The following HDAC4 variants were observed in gnomAD, a reference collection of about 807,000 sequenced individuals.
The protein encoded by HDAC4 is histone deacetylase 4.
A neutral mutation model predicts 135.1 loss-of-function variants in HDAC4; 16 were observed. The observed-to-expected ratio is 0.12, with a 90% CI of 0.08 to 0.18. HDAC4 has a LOEUF of 0.18. HDAC4 is among the 10% of genes least tolerant of loss of function. The probability of loss-of-function intolerance (pLI) is 1.00; values close to 1 mark genes in which losing one functional copy is unlikely to be tolerated. For missense variants in HDAC4, 1,143 were observed against 1,511.8 expected (o/e 0.76, Z 4.05); for synonymous variants, 685 against 653.4 (o/e 1.05, Z -0.74).
intron 12 of HDAC4, among the ~76,000 whole-genome samples, chr2:239,118,292 C>T (rs571607415): frequency 1.3e-5 from 2 of 152,334 alleles, no homozygotes; most frequent in African/African-American, 4.8e-5. Context: ...TTGTTTATCT[C>T]TAAACCGAAG....
chr2:239,198,301 T>A (rs551003697), intron 3 of HDAC4, among the ~76,000 whole-genome samples: 7 of 152,310 alleles, frequency 4.6e-5, no homozygotes, highest in Non-Finnish European at 8.8e-5. Context: ...TGGTTCTCAA[T>A]GCCAGGCTTC....
intron 13 of HDAC4, among the ~76,000 whole-genome samples, chr2:239,112,823 A>G (rs1398193423): frequency 2.0e-5 from 3 of 152,196 alleles, no homozygotes; most frequent in African/African-American, 7.2e-5. Flanking sequence ...GTGAACATGG[A>G]AAACCAGGTA....
rs566944041 is a variant in HDAC4, at chr2:239,270,116, G to C, written c.23-33452C>G. On this transcript the variant is annotated intron_variant, in intron 2 of 26. Transcript: ENST00000543185. ...TCAGGATGTCACCAGCCTTTCAGGA[G>C]CCTGATGACTCCCACGGCAGCAGGT... is the stretch of plus-strand genomic sequence containing the variant. Among the ~76,000 whole-genome samples the C allele has an allele frequency of 2.1e-3, 325 of 152,318 alleles. 1 individual carries two copies. The highest frequency in any genetic ancestry group is 6.8e-3 in the Middle Eastern group (2 of 294).
intron 2 of HDAC4, among the ~76,000 whole-genome samples, chr2:239,345,747 AAC>A (rs1340459771): frequency 2.7e-5 from 4 of 146,718 alleles, no homozygotes; most frequent in Admixed American, 6.7e-5. Context: ...CACCGTCTAA[AAC>A]ACACACACCC....
chr2:239,174,852 G>T (rs895945025), intron 5 of HDAC4, among the ~76,000 whole-genome samples: 1 of 152,222 alleles, frequency 6.6e-6, no homozygotes, highest in Non-Finnish European at 1.5e-5. Context: ...AATTTCACAA[G>T]CATAATGTCC....
At chr2:239,357,117 T>C (rs1254376202) in intron 1 of HDAC4, among the ~76,000 whole-genome samples, 5 of 152,144 alleles carry the variant, frequency 3.3e-5, no homozygotes, top group Admixed American at 1.3e-4. Context: ...TTTACCAAGA[T>C]AGAACACCTT....
rs905397343 is a variant in HDAC4, at chr2:239,262,921, G to A, written c.23-26257C>T. On this transcript the variant is annotated intron_variant, in intron 2 of 26. Coordinates refer to ENST00000543185, the MANE Select transcript of HDAC4 (RefSeq NM_001378414.1). This position sits in a 1 kb window ranked among gnomAD's most constrained non-coding sequence, Gnocchi z 4.1. ...CACTGGAAGGTCACGGCACCACTGA[G>A]ACAGCCTGGAAGCTTCTGTGCTTCA... is the stretch of plus-strand genomic sequence containing the variant. Among the ~76,000 whole-genome samples, 1 of 152,110 alleles carries A rather than the reference G, an allele frequency of 6.6e-6. No homozygotes were observed. The highest frequency in any genetic ancestry group is 1.5e-5 in the Non-Finnish European group (1 of 68,020).
At chr2:239,301,467 CTTTCTTT>C (rs1450417084) in intron 2 of HDAC4, among the ~76,000 whole-genome samples, 6 of 130,268 alleles carry the variant, frequency 4.6e-5, no homozygotes, top group African/African-American at 1.4e-4. Context: ...CTGGTGCTTT[CTTTCTTT>C]TTTTTTTTTT....
At chr2:239,399,531 A>G (rs1310812216) in intron 1 of HDAC4, among the ~76,000 whole-genome samples, 2 of 152,178 alleles carry the variant, frequency 1.3e-5, no homozygotes, top group African/African-American at 4.8e-5. Context: ...ACTCCAGGCA[A>G]CCACGATCAT....
At chr2:239,137,198 C>T (rs890799389) in intron 9 of HDAC4, among the ~76,000 whole-genome samples, 2 of 152,196 alleles carry the variant, frequency 1.3e-5, no homozygotes, top group African/African-American at 4.8e-5. Flanking sequence ...AATCGCAGGG[C>T]GTTCTGGCAT....
intron 2 of HDAC4, among the ~76,000 whole-genome samples, chr2:239,320,727 C>T (rs1297275079): frequency 6.6e-6 from 1 of 152,158 alleles, no homozygotes; most frequent in Non-Finnish European, 1.5e-5. Flanking sequence ...CTGCTGACAT[C>T]TCAAGCCATA....
intron 2 of HDAC4, among the ~76,000 whole-genome samples, chr2:239,284,207 G>A (rs1303855979): frequency 6.6e-6 from 1 of 152,236 alleles, no homozygotes; most frequent in East Asian, 1.9e-4. Context: ...GACAGTGCCG[G>A]TCCTGAGCCC....
intron 3 of HDAC4, among the ~76,000 whole-genome samples, chr2:239,209,582 C>T (rs1276391666): frequency 6.6e-6 from 1 of 152,198 alleles, no homozygotes; most frequent in East Asian, 1.9e-4. Flanking sequence ...TTAGCAGACA[C>T]TATTGGAAAA....
chr2:239,359,369 A>G (rs919529624), intron 1 of HDAC4, among the ~76,000 whole-genome samples: 4 of 152,266 alleles, frequency 2.6e-5, no homozygotes, highest in Non-Finnish European at 5.9e-5. Context: ...TTACACGCAC[A>G]GCCAAGCTAA....
At chr2:239,317,371 G>A (rs2053154717) in intron 2 of HDAC4, among the ~76,000 whole-genome samples, 1 of 152,094 alleles carries the variant, frequency 6.6e-6, no homozygotes, top group Non-Finnish European at 1.5e-5. Context: ...TCTGGCGGCC[G>A]AGAGCTGGTT....
At chr2:239,067,198 C>T (rs1391245382) in intron 23 of HDAC4, among the ~76,000 whole-genome samples, 6 of 152,308 alleles carry the variant, frequency 3.9e-5, no homozygotes, top group African/African-American at 4.8e-5. Flanking sequence ...CGTGGCCCAG[C>T]GGGCTCTGGT....
chr2:239,205,916 A>G (rs1258468561), intron 3 of HDAC4, among the ~76,000 whole-genome samples: 2 of 152,226 alleles, frequency 1.3e-5, no homozygotes, highest in Non-Finnish European at 2.9e-5. Flanking sequence ...CTCATGCAGT[A>G]ACGTTTCACC....
chr2:239,102,770 A>C lies in HDAC4; in HGVS notation c.2233+6T>G. On this transcript the variant is annotated splice_donor_region_variant and intron_variant, in intron 16 of 26. Transcript: ENST00000543185. Reference sequence around the variant, plus strand: ...AATATGGGAGGAAAGGAAGGTCCTGAAATACCTAGAAGTTTCTTACTGTCC... The same window carrying C: ...AATATGGGAGGAAAGGAAGGTCCTGCAATACCTAGAAGTTTCTTACTGTCC... 1 of 1,613,770 alleles carries C rather than the reference A, an allele frequency of 6.2e-7. No individual in the cohort carries two copies. The highest frequency in any genetic ancestry group is 1.1e-5 in the South Asian group (1 of 91,080).
At chr2:239,278,634 T>C (rs990772918) in intron 2 of HDAC4, among the ~76,000 whole-genome samples, 2 of 152,194 alleles carry the variant, frequency 1.3e-5, no homozygotes, top group Non-Finnish European at 2.9e-5. Flanking sequence ...ATCATGCCAC[T>C]GTACTCCAGC....
Sources: allele counts gnomAD v4.1 joint callset (sites outside exome capture counted in the v4.1 genomes callset), GRCh38; gene constraint gnomAD v4.1.1; non-coding constraint Gnocchi (gnomAD v3.1); transcripts MANE v1.5; gene names NCBI Gene and HGNC (gene_info 2026-07-23, HGNC 2026-07-21).